The following MYRIP variants were observed in gnomAD, a reference collection of about 807,000 sequenced individuals.
The protein encoded by MYRIP is rab effector MyRIP.
In MYRIP, 49 loss-of-function variants were observed where a neutral mutation model predicts 98.0. The ratio of observed to expected loss-of-function variants is 0.50; its 90% CI spans 0.40 to 0.63. The LOEUF (loss-of-function observed/expected upper bound fraction) is 0.63. Among genes scored for constraint, MYRIP ranks in the 30% least tolerant of loss-of-function variants. MYRIP has a pLI of 0.00. For missense variants in MYRIP, 1,004 were observed against 1,058.2 expected (o/e 0.95, Z 0.71); for synonymous variants, 404 against 409.5 (o/e 0.99, Z 0.16).
intron 1 of MYRIP, among the ~76,000 whole-genome samples, chr3:39,889,741 C>T (rs185209971): frequency 6.6e-5 from 10 of 152,064 alleles, no homozygotes; most frequent in Admixed American, 2.6e-4. Flanking sequence ...GTTTATTATG[C>T]GGACATTTAA....
intron 2 of MYRIP, among the ~76,000 whole-genome samples, chr3:39,995,504 C>G (rs1239260299): frequency 6.6e-6 from 1 of 151,672 alleles, no homozygotes; most frequent in African/African-American, 2.4e-5. Context: ...ATAAAAGAAA[C>G]AAACAGAGCC....
chr3:40,251,863 C>T lies in MYRIP; in HGVS notation c.2429-18C>T. The T allele has an allele frequency of 6.5e-7, 1 of 1,528,820 alleles. No homozygotes were observed. Among genetic ancestry groups the T allele is most frequent in the Non-Finnish European group, 9.1e-7 (1 of 1,103,850 alleles). The allele number at this position is 1,528,820 out of a possible 1,614,324, so 94.7% of individuals were successfully genotyped here. On this transcript the variant is annotated intron_variant, in intron 15 of 16. Coordinates refer to ENST00000302541, the MANE Select transcript of MYRIP (RefSeq NM_015460.4). ...TCCATCTTCTGGGTAACATTTTTTC[C>T]CATTTATTTCCTTTTAGCTGAAAAA...
At chr3:40,191,332 C>A (rs1951203782) in intron 10 of MYRIP, among the ~76,000 whole-genome samples, 1 of 152,200 alleles carries the variant, frequency 6.6e-6, no homozygotes, top group African/African-American at 2.4e-5. Flanking sequence ...TCATTCCCAG[C>A]CCTGTGACTT....
chr3:39,942,425 G>A (rs1944809032), intron 2 of MYRIP, among the ~76,000 whole-genome samples: 1 of 152,056 alleles, frequency 6.6e-6, no homozygotes, highest in African/African-American at 2.4e-5. Flanking sequence ...CTGGTTTTTG[G>A]ATTTTATAGA....
At chr3:40,210,181 G>A in intron 11 of MYRIP, 88 bp downstream of exon 11, 2 of 1,478,168 alleles carry the variant, frequency 1.4e-6, no homozygotes, top group Non-Finnish European at 1.8e-6. Flanking sequence ...GAAAGCTGCT[G>A]GGTCCCCAAA....
intron 2 of MYRIP, among the ~76,000 whole-genome samples, chr3:39,945,347 T>C (rs1575402281): frequency 2.1e-5 from 3 of 139,760 alleles, no homozygotes; most frequent in African/African-American, 7.9e-5. Context: ...CTGTGCATGA[T>C]GGTGTATGCC....
chr3:39,916,681 C>A (rs754345721), intron 2 of MYRIP, among the ~76,000 whole-genome samples: 2 of 152,032 alleles, frequency 1.3e-5, no homozygotes, highest in African/African-American at 4.8e-5. Context: ...ACAAACCTTC[C>A]TCATTTGTAA....
intron 1 of MYRIP, among the ~76,000 whole-genome samples, chr3:39,888,749 A>G (rs995059217): frequency 3.3e-5 from 5 of 152,208 alleles, no homozygotes; most frequent in Admixed American, 2.6e-4. Context: ...GGCAACCTAC[A>G]AAATGGGAGA....
Position 39,917,855 on chromosome 3 carries a change from A to G in MYRIP, c.110+16929A>G, listed in dbSNP as rs973170765. Reference sequence around the variant, plus strand: ...TTATATTAAAAAGTATTAAGATTCTATTAAACTTTCCAAACTTTATCTATA... The same window carrying G: ...TTATATTAAAAAGTATTAAGATTCTGTTAAACTTTCCAAACTTTATCTATA... On this transcript the variant is annotated intron_variant, in intron 2 of 16. Coordinates refer to ENST00000302541, the MANE Select transcript of MYRIP (RefSeq NM_015460.4). 2.0e-5 allele frequency among the ~76,000 whole-genome samples: 3 copies of G among 152,188 alleles called. No homozygotes were observed. In the South Asian group the frequency reaches 6.2e-4, roughly 31 times the overall value.
intron 3 of MYRIP, among the ~76,000 whole-genome samples, chr3:40,143,029 C>T (rs1300648957): frequency 6.6e-6 from 1 of 152,178 alleles, no homozygotes; most frequent in Non-Finnish European, 1.5e-5. Flanking sequence ...ACAGGCAGTC[C>T]AGCCATGCCC....
At chr3:39,873,518 A>T (rs1044832772) in intron 1 of MYRIP, among the ~76,000 whole-genome samples, 3 of 152,182 alleles carry the variant, frequency 2.0e-5, no homozygotes, top group African/African-American at 7.2e-5. Flanking sequence ...TTTTGGTATA[A>T]GGTGTAAGGA....
chr3:39,990,956 A>T (rs960817289), intron 2 of MYRIP, among the ~76,000 whole-genome samples: 15 of 152,126 alleles, frequency 9.9e-5, no homozygotes, highest in African/African-American at 3.6e-4. Flanking sequence ...AACGAAGAAC[A>T]CATGGACACA....
intron 2 of MYRIP, among the ~76,000 whole-genome samples, chr3:39,955,868 G>C (rs1559535686): frequency 6.6e-6 from 1 of 151,888 alleles, no homozygotes; most frequent in Non-Finnish European, 1.5e-5. Flanking sequence ...AAAAAGCAGG[G>C]GTTGCAATCA....
intron 2 of MYRIP, among the ~76,000 whole-genome samples, chr3:39,972,877 C>A (rs1437809525): frequency 6.6e-6 from 1 of 151,400 alleles, no homozygotes; most frequent in Non-Finnish European, 1.5e-5. Context: ...CCCTGCAAGT[C>A]TTGATTTTAT....
chr3:39,832,493 A>C (rs1204013282), intron 1 of MYRIP, among the ~76,000 whole-genome samples: 3 of 152,234 alleles, frequency 2.0e-5, no homozygotes, highest in Non-Finnish European at 2.9e-5. Context: ...ATTTACCATC[A>C]GATAAATTTG....
At chr3:40,017,757 G>A (rs1031954856) in intron 2 of MYRIP, among the ~76,000 whole-genome samples, 5 of 143,614 alleles carry the variant, frequency 3.5e-5, no homozygotes, top group Non-Finnish European at 7.5e-5. Context: ...GACTTACTCC[G>A]GAAATTCCAG....
At chr3:40,153,896 C>G (rs1482571232) in intron 4 of MYRIP, among the ~76,000 whole-genome samples, 2 of 152,140 alleles carry the variant, frequency 1.3e-5, no homozygotes, top group Non-Finnish European at 1.5e-5. Flanking sequence ...AATCCCAGCA[C>G]TTTCGGAGGC....
intron 2 of MYRIP, among the ~76,000 whole-genome samples, chr3:39,939,400 A>G (rs1253116681): frequency 2.0e-5 from 3 of 152,186 alleles, no homozygotes; most frequent in Non-Finnish European, 4.4e-5. Context: ...ATGTAGCTAC[A>G]TGGAAAAAAA....
intron 2 of MYRIP, among the ~76,000 whole-genome samples, chr3:39,914,430 G>A (rs148794026): frequency 1.0e-3 from 158 of 151,962 alleles, no homozygotes; most frequent in African/African-American, 3.3e-3. Flanking sequence ...AAAATGTCTG[G>A]TCATTATTAA....
Sources: allele counts gnomAD v4.1 joint callset (sites outside exome capture counted in the v4.1 genomes callset), GRCh38; gene constraint gnomAD v4.1.1; transcripts MANE v1.5; gene names NCBI Gene and HGNC (gene_info 2026-07-23, HGNC 2026-07-21).